VRK2: variants seen among roughly 807,000 people sequenced by gnomAD.
VRK2 encodes the protein VRK serine/threonine kinase 2.
Under a neutral mutation model 57.6 loss-of-function variants are expected in VRK2, and 60 were observed. The ratio of observed to expected loss-of-function variants is 1.04; its 90% confidence interval spans 0.85 to 1.29. The LOEUF (loss-of-function observed/expected upper bound fraction) is 1.29. Among genes scored for constraint, VRK2 ranks in the 50% most tolerant of loss-of-function variants. The pLI is 0.00. For synonymous variants in VRK2, 231 were observed against 199.2 expected, an observed-to-expected ratio of 1.16 and a Z score of -1.35; for missense variants, 705 against 588.1, an observed-to-expected ratio of 1.20 and a Z score of -2.06.
intron 1 of VRK2, among the ~76,000 whole-genome samples, chr2:57,953,157 A>G (rs1299557725): frequency 6.6e-6 from 1 of 152,256 alleles, no homozygotes; most frequent in Non-Finnish European, 1.5e-5. Context: ...AGAAACTAAT[A>G]GTACTACATA....
At chr2:58,137,406 A>G (rs892095624) in intron 10 of VRK2, among the ~76,000 whole-genome samples, 8 of 151,604 alleles carry the variant, frequency 5.3e-5, no homozygotes, top group East Asian at 1.9e-4. Flanking sequence ...GTCATACTCT[A>G]TTGTTAAAGA....
At chr2:58,135,845 C>G (rs1487052216) in intron 10 of VRK2, among the ~76,000 whole-genome samples, 5 of 152,138 alleles carry the variant, frequency 3.3e-5, no homozygotes, top group Admixed American at 3.3e-4. Flanking sequence ...TGTGCATACA[C>G]AACATGTTAT....
At chr2:58,007,595 T>C (rs1277330623) in intron 1 of VRK2, among the ~76,000 whole-genome samples, 1 of 152,164 alleles carries the variant, frequency 6.6e-6, no homozygotes, top group African/African-American at 2.4e-5. Flanking sequence ...AAGAATACAA[T>C]ACATATTACA....
chr2:57,941,213 T>C (rs936725647), intron 1 of VRK2, among the ~76,000 whole-genome samples: 1 of 152,150 alleles, frequency 6.6e-6, no homozygotes, highest in Admixed American at 6.5e-5. Context: ...AATCTGTTAA[T>C]TGTACTAAAT....
At chr2:58,151,731 GTTTTTTTTTTTTTTTTT>G (rs60379025) in intron 12 of VRK2, among the ~76,000 whole-genome samples, 10 of 16,722 alleles carry the variant, frequency 6.0e-4, no homozygotes, top group East Asian at 2.7e-3. Context: ...TTCTATGCTT[GTTTTTTTTTTTTTTTTT>G]TTTTTTTTTT....
intron 2 of VRK2, among the ~76,000 whole-genome samples, chr2:58,065,565 A>G (rs1287926128): frequency 6.6e-6 from 1 of 152,068 alleles, no homozygotes; most frequent in African/African-American, 2.4e-5. Flanking sequence ...TTTTTCTTCA[A>G]AATTGTTTTA....
chr2:58,050,729 C>T (rs1276748525), intron 2 of VRK2, among the ~76,000 whole-genome samples: 1 of 152,144 alleles, frequency 6.6e-6, no homozygotes, highest in South Asian at 2.1e-4. Flanking sequence ...TACACATAGT[C>T]ACTATTGTTA....
At chr2:58,071,856 A>T (rs6718190) in intron 2 of VRK2, among the ~76,000 whole-genome samples, 1 of 151,964 alleles carries the variant, frequency 6.6e-6, no homozygotes, top group South Asian at 2.1e-4. Flanking sequence ...TTGACTTTAT[A>T]TATCAAGTTG....
At chr2:58,149,038 T>C (rs1682591002) in intron 12 of VRK2, among the ~76,000 whole-genome samples, 1 of 151,734 alleles carries the variant, frequency 6.6e-6, no homozygotes, top group African/African-American at 2.4e-5. Flanking sequence ...AAATGCACAA[T>C]GGGATATTGA....
intron 7 of VRK2, among the ~76,000 whole-genome samples, chr2:58,104,727 C>A (rs2104370989): frequency 6.6e-6 from 1 of 151,844 alleles, no homozygotes; most frequent in East Asian, 1.9e-4. Context: ...TCACATAGAA[C>A]TGAAAAGGGG....
chr2:57,948,607 A>T (rs1671331484), intron 1 of VRK2, among the ~76,000 whole-genome samples: 1 of 150,466 alleles, frequency 6.6e-6, no homozygotes, highest in Non-Finnish European at 1.5e-5. Flanking sequence ...AAGTGCTGGT[A>T]AAAAAAAAAT....
At chr2:58,159,270 A>ATTCT in intron 12 of VRK2, 79 bp from the exon 13 acceptor site, 6 of 1,085,174 alleles carry the variant, frequency 5.5e-6, no homozygotes, top group Non-Finnish European at 1.3e-6. Context: ...TTTATTTAGC[A>ATTCT]TTCTTACACA....
At chr2:58,098,244 AAAAAT>A (rs1673447257) in intron 7 of VRK2, among the ~76,000 whole-genome samples, 1 of 152,190 alleles carries the variant, frequency 6.6e-6, no homozygotes, top group Non-Finnish European at 1.5e-5. Flanking sequence ...AAAGTTTTAA[AAAAAT>A]AAATAGTTTA....
In VRK2 at chr2:58,100,326, C is replaced by A. The variant is rs1673772024; in HGVS notation, c.543+10603C>A. On this transcript the variant is annotated intron_variant, in intron 7 of 12. Transcript: ENST00000340157. ...ACCATCTATAAAATTTAGTTTTAAT[C>A]ACTTCTATATATAAACAATATAAAA... Among the ~76,000 whole-genome samples, 3 of 151,926 alleles carry A rather than the reference C, an allele frequency of 2.0e-5. 1 individual carries two copies. The highest frequency in any genetic ancestry group is 4.4e-5 in the Non-Finnish European group (3 of 67,918).
chr2:58,135,203 A>T lies in VRK2; in HGVS notation c.856+4A>T. The T allele has an allele frequency of 2.5e-6, 4 of 1,614,144 alleles. No homozygotes were observed. The highest frequency in any genetic ancestry group is 3.4e-6 in the Non-Finnish European group (4 of 1,180,014). On this transcript the variant is annotated splice_donor_region_variant and intron_variant, in intron 10 of 12. Transcript: ENST00000340157. ...GCTCCTTCTGGAAGCAGTTGCTGTA[A>T]GTCAAATAATAACTTCAACCTTCTC... is the stretch of plus-strand genomic sequence containing the variant.
chr2:58,153,073 C>T (rs1400705800), intron 12 of VRK2, among the ~76,000 whole-genome samples: 4 of 151,964 alleles, frequency 2.6e-5, no homozygotes, highest in Non-Finnish European at 5.9e-5. Flanking sequence ...CTTCCCAATC[C>T]TAATCCTCAG....
intron 7 of VRK2, among the ~76,000 whole-genome samples, chr2:58,115,645 T>G (rs1219320063): frequency 6.6e-6 from 1 of 152,182 alleles, no homozygotes; most frequent in Non-Finnish European, 1.5e-5. Context: ...TGTTGTTTTG[T>G]AAGGGATTGA....
intron 11 of VRK2, among the ~76,000 whole-genome samples, chr2:58,141,991 T>C (rs866191108): frequency 2.6e-5 from 4 of 151,992 alleles, no homozygotes; most frequent in Non-Finnish European, 5.9e-5. Context: ...TTTATAGTTA[T>C]ATGTAGTTAA....
At chr2:58,063,923 C>T (rs1003091180) in intron 2 of VRK2, among the ~76,000 whole-genome samples, 2 of 152,056 alleles carry the variant, frequency 1.3e-5, no homozygotes, top group African/African-American at 4.8e-5. Context: ...TTGTTTCCAA[C>T]CCTTGTGGGT....
Sources: gnomAD v4.1 joint callset for allele counts (sites outside exome capture counted in the v4.1 genomes callset) on GRCh38, gnomAD v4.1.1 for gene constraint, MANE v1.5 for transcripts, NCBI Gene and HGNC (gene_info 2026-07-23, HGNC 2026-07-21) for gene names.